RSPO2: variants seen among roughly 807,000 people sequenced by gnomAD.
The protein encoded by RSPO2 is R-spondin-2.
Under a neutral mutation model 30.9 loss-of-function variants are expected in RSPO2, and 14 were observed. That is an observed-to-expected ratio of 0.45 (90% CI 0.30 to 0.71). The LOEUF is 0.71. Ranked by LOEUF, RSPO2 falls within the 30% of genes least tolerant of loss-of-function variation. The probability of loss-of-function intolerance (pLI) is 0.08; values close to 1 mark genes in which losing one functional copy is unlikely to be tolerated. For synonymous variants in RSPO2, 107 were observed against 96.4 expected, an observed-to-expected ratio of 1.11 and a Z score of -0.64; for missense variants, 264 against 301.9, an observed-to-expected ratio of 0.87 and a Z score of 0.93.
intron 2 of RSPO2, among the ~76,000 whole-genome samples, chr8:108,021,981 A>G (rs1811072745): frequency 6.6e-6 from 1 of 152,186 alleles, no homozygotes; most frequent in East Asian, 1.9e-4. Context: ...CACTTCTATC[A>G]TCAAAAAGGA....
At chr8:107,910,247 T>C (rs1461855770) in intron 5 of RSPO2, among the ~76,000 whole-genome samples, 2 of 152,182 alleles carry the variant, frequency 1.3e-5, no homozygotes, top group Non-Finnish European at 2.9e-5. Context: ...AAACAAAAAG[T>C]AGTAGCCCAA....
At chr8:108,043,392 G>T (rs1489406873) in intron 2 of RSPO2, among the ~76,000 whole-genome samples, 1 of 151,996 alleles carries the variant, frequency 6.6e-6, no homozygotes, top group African/African-American at 2.4e-5. Context: ...CCTCCATTGT[G>T]GTCTTTCTGG....
chr8:108,057,867 G>C (rs1309254366), intron 2 of RSPO2, among the ~76,000 whole-genome samples: 1 of 152,148 alleles, frequency 6.6e-6, no homozygotes, highest in African/African-American at 2.4e-5. Context: ...AGCTTAAGGA[G>C]ATTTTGGACT....
At chr8:107,974,054 G>GA (rs1489235021) in intron 3 of RSPO2, among the ~76,000 whole-genome samples, 19 of 152,138 alleles carry the variant, frequency 1.2e-4, no homozygotes, top group Non-Finnish European at 2.5e-4. Context: ...AACATGCATT[G>GA]AAAATACTGT....
intron 2 of RSPO2, among the ~76,000 whole-genome samples, chr8:108,074,887 C>T (rs1202882340): frequency 1.3e-5 from 2 of 152,258 alleles, no homozygotes; most frequent in Non-Finnish European, 2.9e-5. Flanking sequence ...TCAGTGTTCT[C>T]CTGGAAGGCA....
intron 2 of RSPO2, among the ~76,000 whole-genome samples, chr8:108,080,304 A>G (rs1451104236): frequency 4.6e-5 from 7 of 152,200 alleles, no homozygotes; most frequent in Admixed American, 4.6e-4. Flanking sequence ...TTAGCCAGAA[A>G]CTTGGGATTT....
intron 3 of RSPO2, among the ~76,000 whole-genome samples, chr8:107,966,334 C>T (rs914575585): frequency 3.3e-5 from 5 of 152,020 alleles, no homozygotes; most frequent in African/African-American, 1.2e-4. Context: ...TACATAGAAG[C>T]ACAGATGAGA....
At chr8:108,067,548 T>C (rs1812708511) in intron 2 of RSPO2, among the ~76,000 whole-genome samples, 1 of 152,152 alleles carries the variant, frequency 6.6e-6, no homozygotes, top group Admixed American at 6.5e-5. Flanking sequence ...TCACATTACT[T>C]TTTTATGTTT....
intron 2 of RSPO2, among the ~76,000 whole-genome samples, chr8:108,002,334 A>G (rs1815279164): frequency 6.6e-6 from 1 of 152,204 alleles, no homozygotes; most frequent in Admixed American, 6.5e-5. Context: ...GCTCACAAAC[A>G]GAGCCAGATT....
intron 2 of RSPO2, among the ~76,000 whole-genome samples, chr8:108,059,426 T>C (rs1195062846): frequency 1.3e-5 from 2 of 151,570 alleles, no homozygotes; most frequent in Non-Finnish European, 2.9e-5. Flanking sequence ...AGTTCAACCA[T>C]TGTGGAAGTC....
intron 2 of RSPO2, among the ~76,000 whole-genome samples, chr8:108,037,395 G>A (rs941881976): frequency 3.3e-5 from 5 of 152,166 alleles, no homozygotes; most frequent in African/African-American, 1.2e-4. Context: ...AGAGAGATGA[G>A]GAAGCTGCAG....
chr8:108,075,122 T>C (rs1247800067), intron 2 of RSPO2, among the ~76,000 whole-genome samples: 2 of 152,232 alleles, frequency 1.3e-5, no homozygotes, highest in Non-Finnish European at 1.5e-5. Flanking sequence ...TTCATTCATA[T>C]GGTCAAAGTG....
At chr8:108,027,203 A>G (rs1280010124) in intron 2 of RSPO2, among the ~76,000 whole-genome samples, 1 of 152,252 alleles carries the variant, frequency 6.6e-6, no homozygotes, top group East Asian at 1.9e-4. Flanking sequence ...ATCATTTAAA[A>G]GACAAACATG....
chr8:107,980,298 G>A (rs147907968), intron 3 of RSPO2, among the ~76,000 whole-genome samples: 1 of 152,214 alleles, frequency 6.6e-6, no homozygotes, highest in East Asian at 1.9e-4. Flanking sequence ...AAATGTGTAA[G>A]CTGTATTAAG....
intron 5 of RSPO2, among the ~76,000 whole-genome samples, chr8:107,931,789 A>G (rs1172986796): frequency 6.6e-6 from 1 of 152,262 alleles, no homozygotes; most frequent in East Asian, 1.9e-4. Flanking sequence ...GACATTCCTA[A>G]GATATTGTAC....
At chr8:108,070,895 T>C (rs1812825464) in intron 2 of RSPO2, among the ~76,000 whole-genome samples, 1 of 152,232 alleles carries the variant, frequency 6.6e-6, no homozygotes, top group African/African-American at 2.4e-5. Context: ...CTTCATAAAA[T>C]ACTTTTTTCT....
intron 5 of RSPO2, among the ~76,000 whole-genome samples, chr8:107,946,268 C>G (rs1411094123): frequency 6.6e-6 from 1 of 152,172 alleles, no homozygotes; most frequent in Non-Finnish European, 1.5e-5. Flanking sequence ...GTAAACTTGT[C>G]TGGTTCATAC....
intron 5 of RSPO2, among the ~76,000 whole-genome samples, chr8:107,946,368 G>A (rs1452370495): frequency 5.3e-5 from 8 of 152,204 alleles, no homozygotes; most frequent in Non-Finnish European, 1.2e-4. Context: ...TGAGTAACTA[G>A]AAGACTAGTG....
At chr8:108,082,861 G>A (rs1384300813) in intron 1 of RSPO2, 54 bp from the exon 2 acceptor site, 6 of 512,946 alleles carry the variant, frequency 1.2e-5, no homozygotes, top group African/African-American at 2.0e-5. Context: ...GAGCCCCGGG[G>A]AGGCAGCTGC....
Sources: gnomAD v4.1 joint callset for allele counts (sites outside exome capture counted in the v4.1 genomes callset) on GRCh38, gnomAD v4.1.1 for gene constraint, MANE v1.5 for transcripts, NCBI Gene and HGNC (gene_info 2026-07-23, HGNC 2026-07-21) for gene names.